KIF1A: variants seen among roughly 807,000 people sequenced by gnomAD.
KIF1A encodes kinesin-like protein KIF1A.
Under a neutral mutation model 227.3 loss-of-function variants are expected in KIF1A, and 46 were observed. The observed-to-expected ratio is 0.20, with a 90% CI of 0.16 to 0.26. KIF1A has a LOEUF of 0.26. KIF1A is among the 10% of genes least tolerant of loss of function. The pLI, the probability that KIF1A is intolerant of heterozygous loss-of-function variation, is 1.00. For synonymous variants in KIF1A, 1,022 were observed against 1,012.8 expected (o/e 1.01, Z -0.17); for missense variants, 1,683 against 2,485.9 (o/e 0.68, Z 6.87).
Position 240,717,740 on chromosome 2 carries a change from A to G in KIF1A, c.5333+310T>C, listed in dbSNP as rs191317284. 2.6e-4 allele frequency among the ~76,000 whole-genome samples: 40 copies of G among 152,354 alleles called. 1 individual carries two copies. In the East Asian group the frequency reaches 7.3e-3, roughly 28 times the overall value. On this transcript the variant is annotated intron_variant, in intron 48 of 48. Transcript: ENST00000498729. ...ATGGCCTGGGATTTATCACTCCACAAGAAGCCACAACTCAGAGGGAGCATT... is the reference window on the plus strand; with the variant it reads ...ATGGCCTGGGATTTATCACTCCACAGGAAGCCACAACTCAGAGGGAGCATT...
chr2:240,721,736 T>G lies in KIF1A; in HGVS notation c.4743+71A>C. On this transcript the variant is annotated intron_variant, in intron 44 of 48. Transcript: ENST00000498729. ...CCTTTTCCCACTTGGAATGGGAGTTTTCCTCAGGGACCACTGCCTATGGGA... is the reference window on the plus strand; with the variant it reads ...CCTTTTCCCACTTGGAATGGGAGTTGTCCTCAGGGACCACTGCCTATGGGA... The G allele has an allele frequency of 3.2e-6, 4 of 1,267,770 alleles. No homozygotes were observed. In the South Asian group the frequency reaches 5.0e-5, roughly 16 times the overall value. 78.5% of individuals were successfully genotyped at this position (1,267,770 alleles called of 1,614,324 possible).
At chr2:240,819,100 A>G (rs960224440) in intron 1 of KIF1A, 1 of 106,854 alleles carries the variant, frequency 9.4e-6, no homozygotes, top group Non-Finnish European at 2.1e-5. Flanking sequence ...CCCCAACCCC[A>G]CCTACCGGCG....
intron 10 of KIF1A, among the ~76,000 whole-genome samples, chr2:240,777,702 C>T (rs965168262): frequency 3.9e-5 from 6 of 152,230 alleles, no homozygotes; most frequent in Non-Finnish European, 8.8e-5. Context: ...GCTGAACACC[C>T]GCCCGCTGCT....
In KIF1A at chr2:240,741,393, G is replaced by A; in HGVS notation, c.3641-16C>T. ...GTGGCGGGCACTGTAGGGACAGGAG[G>A]GAGGCATGCATGGATGGGAGACCTG... On this transcript the variant is annotated splice_polypyrimidine_tract_variant and intron_variant, in intron 34 of 48. Coordinates refer to ENST00000498729, the MANE Select transcript of KIF1A (RefSeq NM_001244008.2). 1 of 1,525,074 alleles carries A rather than the reference G, an allele frequency of 6.6e-7. No homozygotes were observed. The highest frequency in any genetic ancestry group is 1.2e-5 in the South Asian group (1 of 81,096). The allele number at this position is 1,525,074 out of a possible 1,614,324, so 94.5% of individuals were successfully genotyped here. A position where few individuals can be genotyped will look rare whatever the true frequency, so the allele number is the denominator to read the frequency against.
chr2:240,797,601 C>A, intron 2 of KIF1A, 46 bp downstream of exon 2: 1 of 1,387,800 alleles, frequency 7.2e-7, no homozygotes, highest in Non-Finnish European at 1.0e-6. Context: ...ACCATGGCCC[C>A]CAGCAACCCA....
At chr2:240,756,963 G>C (rs965358654) in intron 27 of KIF1A, among the ~76,000 whole-genome samples, 5 of 152,226 alleles carry the variant, frequency 3.3e-5, no homozygotes, top group Non-Finnish European at 7.3e-5. Context: ...GGAGGAACTC[G>C]GCCATTGGGT....
intron 38 of KIF1A, among the ~76,000 whole-genome samples, chr2:240,727,889 T>C (rs2046211736): frequency 6.6e-6 from 1 of 152,152 alleles, no homozygotes; most frequent in Non-Finnish European, 1.5e-5. Context: ...GGCCTGGTGC[T>C]CACAGGGAGG....
chr2:240,803,395 A>G (rs1182702452), intron 1 of KIF1A, among the ~76,000 whole-genome samples: 1 of 152,222 alleles, frequency 6.6e-6, no homozygotes, highest in Non-Finnish European at 1.5e-5. Flanking sequence ...GAGGTCACCA[A>G]GGCTTGCCTT....
chr2:240,753,749 G>T (rs1381708620), intron 27 of KIF1A, among the ~76,000 whole-genome samples: 1 of 152,156 alleles, frequency 6.6e-6, no homozygotes, highest in Non-Finnish European at 1.5e-5. Context: ...TCTTAGAGAT[G>T]CAAAAAATCC....
In KIF1A at chr2:240,746,103, C is replaced by A; in HGVS notation, c.3138G>T (p.Glu1046Asp). The A allele has an allele frequency of 6.3e-7, 1 of 1,585,770 alleles. No individual in the cohort carries two copies. Among genetic ancestry groups the A allele is most frequent in the African/African-American group, 1.3e-5 (1 of 74,446 alleles). The stretch of plus-strand genomic sequence containing the variant: ...CCACGTCTGCACCCTGGCCCTGGCC[C>A]TCCACGATGCGAAGCTCTTCCTGGG... ...GTSQEELRIV[E>D]GQGQGADVGP... The change falls in exon 30 of 49, where the codon GAG (glutamate) becomes GAT (aspartate). Residue 1046 changes from glutamate to aspartate, a missense_variant. Physicochemically the swap from Glu to Asp is conservative, Grantham distance 45. Coordinates refer to ENST00000498729, the MANE Select transcript of KIF1A (RefSeq NM_001244008.2).
rs767543598 is a variant in KIF1A at position 240,761,363 on chromosome 2, G to T, written c.2131C>A (p.Arg711=). The change falls in exon 24 of 49, where the codon CGG becomes AGG. Residue 711 remains arginine, a synonymous_variant. Transcript: ENST00000498729. ...EPEDEVQWTE[R]ECELALWAFR... ...GCCCAGAGCGCCAGCTCACACTCCC[G>T]CTCTGTCCACTGGACTGTGGGGAGA... The T allele has an allele frequency of 1.9e-6, 3 of 1,609,736 alleles. No individual in the cohort carries two copies. Among genetic ancestry groups the T allele is most frequent in the East Asian group, 2.2e-5 (1 of 44,792 alleles).
At chr2:240,733,660 C>A (rs575253201) in intron 38 of KIF1A, among the ~76,000 whole-genome samples, 2 of 152,214 alleles carry the variant, frequency 1.3e-5, no homozygotes, top group African/African-American at 4.8e-5. Context: ...CATCGCAACA[C>A]GACCTGACAA....
At chr2:240,729,062 C>T (rs112922973) in intron 38 of KIF1A, among the ~76,000 whole-genome samples, 6 of 152,272 alleles carry the variant, frequency 3.9e-5, no homozygotes, top group South Asian at 2.1e-4. Flanking sequence ...ACGTCAGCAC[C>T]GCTGTCTGGT....
Position 240,720,905 on chromosome 2 carries a change from C to T in KIF1A, c.4868+9G>A, listed in dbSNP as rs2045283290. ...CAGAAGCCACTCCGGGAGCCTGGAG[C>T]TCACTCACCTCAGGTCAGTGGCACC... is the stretch of plus-strand genomic sequence containing the variant. On this transcript the variant is annotated intron_variant, in intron 45 of 48. Transcript: ENST00000498729. The T allele has an allele frequency of 6.4e-7, 1 of 1,552,062 alleles. No individual in the cohort carries two copies.
intron 44 of KIF1A, 60 bp from the exon 45 acceptor site, chr2:240,721,098 G>A (rs2045316970): frequency 1.3e-6 from 2 of 1,595,306 alleles, no homozygotes; most frequent in Admixed American, 1.7e-5. Flanking sequence ...GCCTCTGTGG[G>A]AGCTGCTCCC....
At chr2:240,804,616 C>T (rs1260677853) in intron 1 of KIF1A, among the ~76,000 whole-genome samples, 3 of 152,124 alleles carry the variant, frequency 2.0e-5, no homozygotes, top group African/African-American at 4.8e-5. Context: ...TTCAAAGCTA[C>T]AGCCTCTGTG....
Position 240,721,687 on chromosome 2 carries a change from G to A in KIF1A, c.4743+120C>T, listed in dbSNP as rs112195918. On this transcript the variant is annotated intron_variant, in intron 44 of 48. Transcript: ENST00000498729. ...ATGAGGTGTCCCTCTGCACTGAGAC[G>A]TGTTCCTAGGAAACTCTTAACTGCC... 565 of 815,326 alleles carry A rather than the reference G, an allele frequency of 6.9e-4. 2 individuals are homozygous for A. Among genetic ancestry groups the A allele is most frequent in the Non-Finnish European group, 9.8e-4 (487 of 495,326 alleles). The allele number at this position is 815,326 out of a possible 1,614,324, so 50.5% of individuals were successfully genotyped here. A position where few individuals can be genotyped will look rare whatever the true frequency, so the allele number is the denominator to read the frequency against.
chr2:240,778,527 C>T lies in KIF1A; in HGVS notation c.883-2601G>A, dbSNP rs1396055860. ...GCACAGCGTTACACACACACACACA[C>T]ACACACACACACACACAGGCTTCTC... On this transcript the variant is annotated intron_variant, in intron 10 of 48. Transcript: ENST00000498729. The surrounding 1 kb of genome is among the most constrained non-coding windows in gnomAD (Gnocchi z 7.2). Among the ~76,000 whole-genome samples, 2 of 151,390 alleles carry T rather than the reference C, an allele frequency of 1.3e-5. No individual in the cohort carries two copies. Among genetic ancestry groups the T allele is most frequent in the East Asian group, 3.9e-4 (2 of 5,162 alleles).
chr2:240,755,423 C>T (rs182479571), intron 27 of KIF1A, among the ~76,000 whole-genome samples: 2 of 152,308 alleles, frequency 1.3e-5, no homozygotes, highest in Admixed American at 1.3e-4. Flanking sequence ...CCCAGGGAAG[C>T]CTTTCCAGAG....
Sources: allele counts gnomAD v4.1 joint callset (sites outside exome capture counted in the v4.1 genomes callset), GRCh38; gene constraint gnomAD v4.1.1; non-coding constraint Gnocchi (gnomAD v3.1); transcripts MANE v1.5; gene names NCBI Gene and HGNC (gene_info 2026-07-23, HGNC 2026-07-21).